Variants in KLHL1 observed in about 807,000 individuals in gnomAD.
The protein encoded by KLHL1 is kelch-like protein 1.
In KLHL1, 47 loss-of-function variants were observed where a neutral mutation model predicts 77.7. That is an observed-to-expected ratio of 0.60 (90% CI 0.48 to 0.77). KLHL1 has a LOEUF of 0.77. Ranked by LOEUF, KLHL1 falls within the 30% of genes least tolerant of loss-of-function variation. KLHL1 has a pLI of 0.00. For synonymous variants in KLHL1, 360 were observed against 325.2 expected (o/e 1.11, Z -1.15); for missense variants, 925 against 910.8 (o/e 1.02, Z -0.20).
intron 7 of KLHL1, among the ~76,000 whole-genome samples, chr13:69,782,269 C>T (rs1876258340): frequency 6.6e-6 from 1 of 152,212 alleles, no homozygotes; most frequent in Non-Finnish European, 1.5e-5. Context: ...GCATTTCCAT[C>T]TGAGGTACCG....
At chr13:70,089,394 G>T (rs1182108167) in intron 1 of KLHL1, among the ~76,000 whole-genome samples, 1 of 152,064 alleles carries the variant, frequency 6.6e-6, no homozygotes, top group Non-Finnish European at 1.5e-5. Flanking sequence ...CTATTTTAGA[G>T]AATGTTAATA....
intron 4 of KLHL1, among the ~76,000 whole-genome samples, chr13:69,936,098 T>C (rs1304821250): frequency 1.3e-5 from 2 of 152,200 alleles, no homozygotes; most frequent in African/African-American, 4.8e-5. Context: ...TTCTTGGGCA[T>C]GAATGAACTT....
intron 8 of KLHL1, among the ~76,000 whole-genome samples, chr13:69,728,088 C>A (rs1208362022): frequency 6.6e-6 from 1 of 152,082 alleles, no homozygotes; most frequent in Non-Finnish European, 1.5e-5. Flanking sequence ...TTCTCCTGAG[C>A]TGATTAGTAG....
chr13:70,075,739 A>G (rs1887253756), intron 1 of KLHL1, among the ~76,000 whole-genome samples: 1 of 114,876 alleles, frequency 8.7e-6, no homozygotes. Context: ...ATAGGTGTAT[A>G]TATATACACA....
intron 9 of KLHL1, among the ~76,000 whole-genome samples, chr13:69,712,219 T>A (rs1875908415): frequency 6.6e-6 from 1 of 151,832 alleles, no homozygotes; most frequent in Non-Finnish European, 1.5e-5. Flanking sequence ...TCTTTATAGA[T>A]GATCCTATGT....
At chr13:69,935,013 A>C (rs1883136135) in intron 4 of KLHL1, among the ~76,000 whole-genome samples, 1 of 138,488 alleles carries the variant, frequency 7.2e-6, no homozygotes, top group African/African-American at 2.8e-5. Context: ...TATTATCATT[A>C]TAAAGTATCA....
At chr13:69,734,928 G>A (rs958331863) in intron 8 of KLHL1, among the ~76,000 whole-genome samples, 6 of 152,072 alleles carry the variant, frequency 3.9e-5, no homozygotes, top group Non-Finnish European at 8.8e-5. Context: ...TTCATGCCAT[G>A]ATGTTATGCT....
intron 1 of KLHL1, among the ~76,000 whole-genome samples, chr13:69,993,621 G>A (rs1885079375): frequency 6.6e-6 from 1 of 152,106 alleles, no homozygotes; most frequent in Non-Finnish European, 1.5e-5. Context: ...TGCTGACTGT[G>A]AATTCCAGGT....
At chr13:69,874,807 G>A (rs1280557849) in intron 5 of KLHL1, among the ~76,000 whole-genome samples, 4 of 152,036 alleles carry the variant, frequency 2.6e-5, no homozygotes, top group South Asian at 2.1e-4. Flanking sequence ...ACTGACAGCT[G>A]GCAGAATATG....
At chr13:69,898,868 T>G (rs1881747400) in intron 4 of KLHL1, among the ~76,000 whole-genome samples, 1 of 152,194 alleles carries the variant, frequency 6.6e-6, no homozygotes, top group Non-Finnish European at 1.5e-5. Flanking sequence ...GAACGAGGCC[T>G]GGAGACTCAC....
chr13:69,719,064 A>G (rs1170100498), intron 9 of KLHL1, among the ~76,000 whole-genome samples: 9 of 152,088 alleles, frequency 5.9e-5, no homozygotes, highest in Admixed American at 5.3e-4. Context: ...TTAAAAGTAT[A>G]TCAAGAAGAA....
intron 4 of KLHL1, among the ~76,000 whole-genome samples, chr13:69,919,120 C>T (rs1311269812): frequency 6.6e-6 from 1 of 151,990 alleles, no homozygotes; most frequent in Non-Finnish European, 1.5e-5. Context: ...GCCTGAGGAG[C>T]AGCAACAATC....
At chr13:69,975,118 AAAT>A (rs1467201154) in intron 2 of KLHL1, among the ~76,000 whole-genome samples, 1 of 152,078 alleles carries the variant, frequency 6.6e-6, no homozygotes, top group African/African-American at 2.4e-5. Flanking sequence ...ATGGCTTTAA[AAAT>A]AATATCAGTA....
chr13:69,836,952 A>G lies in KLHL1; in HGVS notation c.1414+2024T>C, dbSNP rs1315011910. Among the ~76,000 whole-genome samples, 4 of 151,900 alleles carry G rather than the reference A, an allele frequency of 2.6e-5. No individual in the cohort carries two copies. In the East Asian group the frequency reaches 5.8e-4, roughly 22 times the overall value. ...TAAAAAATTAAATACAAAAATTTCA[A>G]TTTCACTACTAAGAAGGGAAATATA... On this transcript the variant is annotated intron_variant, in intron 6 of 10. Coordinates refer to ENST00000377844, the MANE Select transcript of KLHL1 (RefSeq NM_020866.3).
In KLHL1 at chr13:70,036,838, T is replaced by G. The variant is rs1391490760; in HGVS notation, c.498-61036A>C. Among the ~76,000 whole-genome samples, 9 of 57,050 alleles carry G rather than the reference T, an allele frequency of 1.6e-4. No homozygotes were observed. In the East Asian group the frequency reaches 2.2e-3, roughly 14 times the overall value. 37.4% of individuals were successfully genotyped at this position (57,050 alleles called of 152,430 possible). A position where few individuals can be genotyped will look rare whatever the true frequency, so the allele number is the denominator to read the frequency against. ...GGTTTGATTTTAATGCCATGGTCTT[T>G]TTTTTTTTTTTTTTTTTTTTTCTGT... On this transcript the variant is annotated intron_variant, in intron 1 of 10. Transcript: ENST00000377844.
chr13:69,895,717 T>TA (rs1881611697), intron 4 of KLHL1, among the ~76,000 whole-genome samples: 1 of 150,960 alleles, frequency 6.6e-6, no homozygotes, highest in African/African-American at 2.4e-5. Flanking sequence ...TTTTTCCTTT[T>TA]TTTTTTTTTC....
chr13:70,064,662 C>T (rs763042173), intron 1 of KLHL1, among the ~76,000 whole-genome samples: 13 of 152,062 alleles, frequency 8.5e-5, no homozygotes, highest in Non-Finnish European at 1.6e-4. Flanking sequence ...GTGCCTAACA[C>T]GGTATCTGGT....
At chr13:69,956,836 T>C (rs546164419) in intron 3 of KLHL1, among the ~76,000 whole-genome samples, 1 of 151,796 alleles carries the variant, frequency 6.6e-6, no homozygotes, top group Non-Finnish European at 1.5e-5. Flanking sequence ...ATATGAAATA[T>C]GTAATTTTCA....
intron 3 of KLHL1, among the ~76,000 whole-genome samples, chr13:69,943,894 A>C (rs1883439469): frequency 1.3e-5 from 2 of 152,224 alleles, no homozygotes; most frequent in South Asian, 4.1e-4. Flanking sequence ...GAAGACCTAC[A>C]TGCTGATGGC....
Sources: allele counts gnomAD v4.1 joint callset (sites outside exome capture counted in the v4.1 genomes callset), GRCh38; gene constraint gnomAD v4.1.1; transcripts MANE v1.5; gene names NCBI Gene and HGNC (gene_info 2026-07-23, HGNC 2026-07-21).